The following RAB3C variants were observed in gnomAD, a reference collection of about 807,000 sequenced individuals.
The protein encoded by RAB3C is RAB3C, member RAS oncogene family, also known as ras-related protein Rab-3C.
A neutral mutation model predicts 26.4 loss-of-function variants in RAB3C; 17 were observed. The ratio of observed to expected loss-of-function variants is 0.64; its 90% CI spans 0.44 to 0.97. RAB3C has a LOEUF of 0.97. Among genes scored for constraint, RAB3C ranks in the 50% least tolerant of loss-of-function variants. The pLI is 0.00. For synonymous variants in RAB3C, 91 were observed against 95.9 expected (o/e 0.95, Z 0.30); for missense variants, 242 against 281.9 (o/e 0.86, Z 1.01).
At chr5:58,793,116 G>A (rs1038560813) in intron 3 of RAB3C, among the ~76,000 whole-genome samples, 1 of 151,988 alleles carries the variant, frequency 6.6e-6, no homozygotes, top group Non-Finnish European at 1.5e-5. Context: ...AAAATATTTG[G>A]TTCACTCTGC....
intron 2 of RAB3C, among the ~76,000 whole-genome samples, chr5:58,693,618 T>C (rs1326143086): frequency 1.3e-5 from 2 of 152,180 alleles, no homozygotes; most frequent in African/African-American, 4.8e-5. Context: ...TCCAAGTGAC[T>C]TCTATTCAGC....
chr5:58,711,734 T>A (rs1407904952), intron 2 of RAB3C, among the ~76,000 whole-genome samples: 1 of 152,178 alleles, frequency 6.6e-6, no homozygotes, highest in Non-Finnish European at 1.5e-5. Context: ...GTCATATAAC[T>A]GATACCATGT....
intron 3 of RAB3C, among the ~76,000 whole-genome samples, chr5:58,783,471 A>G (rs1742313587): frequency 6.6e-6 from 1 of 152,216 alleles, no homozygotes; most frequent in Non-Finnish European, 1.5e-5. Flanking sequence ...TTTCTTCCAA[A>G]GAATTATAAT....
At chr5:58,651,476 T>C (rs1486580261) in intron 2 of RAB3C, among the ~76,000 whole-genome samples, 3 of 152,220 alleles carry the variant, frequency 2.0e-5, no homozygotes, top group Non-Finnish European at 4.4e-5. Context: ...TTAGAAAATC[T>C]ATTTATACTA....
At chr5:58,728,198 T>C (rs1179124134) in intron 3 of RAB3C, among the ~76,000 whole-genome samples, 1 of 152,054 alleles carries the variant, frequency 6.6e-6, no homozygotes, top group Non-Finnish European at 1.5e-5. Flanking sequence ...CAACAAGCAC[T>C]TATTGAGCAC....
chr5:58,658,536 A>G (rs1345800511), intron 2 of RAB3C, among the ~76,000 whole-genome samples: 1 of 152,348 alleles, frequency 6.6e-6, no homozygotes, highest in East Asian at 1.9e-4. Context: ...TAATGAAAAG[A>G]TAAAAACATT....
chr5:58,854,593 T>C lies in RAB3C; in HGVS notation c.*3242T>C, dbSNP rs917846365. On this transcript the variant is annotated 3_prime_UTR_variant, in exon 5 of 5. Transcript: ENST00000282878. ...ATCAGTTCATTGTTGCTGCCCCCAG[T>C]GAACAGCTCCAACTGCCTTGATGAA... The C allele has an allele frequency of 1.2e-4, 18 of 152,214 alleles. No homozygotes were observed. Among genetic ancestry groups the C allele is most frequent in the African/African-American group, 4.1e-4 (17 of 41,452 alleles). The allele number at this position is 152,214 out of a possible 1,614,324, so 9.4% of individuals were successfully genotyped here.
chr5:58,827,534 A>G (rs943745023), intron 4 of RAB3C, among the ~76,000 whole-genome samples: 14 of 152,204 alleles, frequency 9.2e-5, no homozygotes, highest in African/African-American at 3.1e-4. Flanking sequence ...AAATGCATCA[A>G]TAGGGTGACT....
At chr5:58,626,940 G>C (rs1276438364) in intron 2 of RAB3C, among the ~76,000 whole-genome samples, 1 of 152,098 alleles carries the variant, frequency 6.6e-6, no homozygotes, top group African/African-American at 2.4e-5. Flanking sequence ...CATATCTTCT[G>C]GATTGCTCTC....
intron 3 of RAB3C, among the ~76,000 whole-genome samples, chr5:58,761,743 C>T (rs2111976891): frequency 6.6e-6 from 1 of 152,256 alleles, no homozygotes. Context: ...TTGTTTAATG[C>T]AGCTGTTTCA....
At chr5:58,838,828 TG>T (rs1743807135) in intron 4 of RAB3C, among the ~76,000 whole-genome samples, 1 of 152,214 alleles carries the variant, frequency 6.6e-6, no homozygotes, top group Admixed American at 6.5e-5. Context: ...ATTATATCAC[TG>T]GGGTCTATCT....
At chr5:58,811,826 A>G (rs544742822) in intron 3 of RAB3C, among the ~76,000 whole-genome samples, 58 of 141,346 alleles carry the variant, frequency 4.1e-4, no homozygotes, top group Non-Finnish European at 4.8e-4. Context: ...TCCCACTGCC[A>G]TTACCGAGCA....
intron 4 of RAB3C, among the ~76,000 whole-genome samples, chr5:58,834,614 G>T (rs148378373): frequency 1.4e-3 from 210 of 152,332 alleles, no homozygotes; most frequent in African/African-American, 4.8e-3. Context: ...GGGAATCCCA[G>T]TGATGCTACT....
chr5:58,637,445 C>A (rs959697208), intron 2 of RAB3C, among the ~76,000 whole-genome samples: 1 of 151,996 alleles, frequency 6.6e-6, no homozygotes, highest in African/African-American at 2.4e-5. Context: ...GATTTCTATC[C>A]CCGAAGACTC....
At chr5:58,766,271 C>T (rs990986135) in intron 3 of RAB3C, among the ~76,000 whole-genome samples, 7 of 152,074 alleles carry the variant, frequency 4.6e-5, no homozygotes, top group African/African-American at 1.7e-4. Flanking sequence ...CGTGTGCCAC[C>T]ACATTCAGCT....
intron 3 of RAB3C, among the ~76,000 whole-genome samples, chr5:58,755,056 A>G (rs1031949164): frequency 4.6e-5 from 7 of 152,212 alleles, no homozygotes; most frequent in African/African-American, 1.7e-4. Context: ...CAGGTTATCA[A>G]CCAGAAATCA....
chr5:58,763,717 C>T (rs1334628858), intron 3 of RAB3C, among the ~76,000 whole-genome samples: 1 of 152,162 alleles, frequency 6.6e-6, no homozygotes, highest in Non-Finnish European at 1.5e-5. Context: ...ATAAAATTTG[C>T]CTTCCCCACA....
Position 58,859,287 on chromosome 5 carries a change from A to G in RAB3C, c.*7936A>G, listed in dbSNP as rs1392073685. On this transcript the variant is annotated 3_prime_UTR_variant, in exon 5 of 5. Coordinates refer to ENST00000282878, the MANE Select transcript of RAB3C (RefSeq NM_138453.4). Reference sequence around the variant, plus strand: ...GTGTAAAAATGGTATGTGCTCTATTAGGTATTCAGTTTGTATGTGAATTCT... The same window carrying G: ...GTGTAAAAATGGTATGTGCTCTATTGGGTATTCAGTTTGTATGTGAATTCT... The G allele has an allele frequency of 6.6e-6, 1 of 152,212 alleles. No homozygotes were observed. The highest frequency in any genetic ancestry group is 1.5e-5 in the Non-Finnish European group (1 of 68,042). 9.4% of individuals were successfully genotyped at this position (152,212 alleles called of 1,614,324 possible). A position where few individuals can be genotyped will look rare whatever the true frequency, so the allele number is the denominator to read the frequency against.
At chr5:58,641,350 C>A (rs1747408486) in intron 2 of RAB3C, among the ~76,000 whole-genome samples, 1 of 152,194 alleles carries the variant, frequency 6.6e-6, no homozygotes, top group Admixed American at 6.5e-5. Flanking sequence ...CAAGAGAGTG[C>A]ACAGAAGCCT....
Sources: gnomAD v4.1 joint callset for allele counts (sites outside exome capture counted in the v4.1 genomes callset) on GRCh38, gnomAD v4.1.1 for gene constraint, MANE v1.5 for transcripts, NCBI Gene and HGNC (gene_info 2026-07-23, HGNC 2026-07-21) for gene names.